The following MNDA variants were observed in gnomAD, a reference collection of about 807,000 sequenced individuals.
MNDA encodes the protein epididymis secretory sperm binding protein.
MNDA carries 43 observed loss-of-function variants against 37.8 expected under a neutral mutation model. The observed-to-expected ratio is 1.14, with a 90% CI of 0.89 to 1.47. MNDA has a LOEUF of 1.47. MNDA is among the 40% of genes most tolerant of loss of function. The pLI, the probability that MNDA is intolerant of heterozygous loss-of-function variation, is 0.00. For synonymous variants in MNDA, 181 were observed against 169.0 expected (o/e 1.07, Z -0.55); for missense variants, 536 against 476.0 (o/e 1.13, Z -1.17).
At chr1:158,834,290 T>C (rs1241425762) in intron 1 of MNDA, among the ~76,000 whole-genome samples, 1 of 148,674 alleles carries the variant, frequency 6.7e-6, no homozygotes, top group Non-Finnish European at 1.5e-5. Context: ...TGGAGTGCAG[T>C]GGCGCGATCT....
At chr1:158,846,854 C>T (rs985594261) in intron 5 of MNDA, among the ~76,000 whole-genome samples, 3 of 152,160 alleles carry the variant, frequency 2.0e-5, no homozygotes, top group Non-Finnish European at 4.4e-5. Context: ...TTTAAGAGAT[C>T]TTGCTTATAA....
intron 1 of MNDA, among the ~76,000 whole-genome samples, chr1:158,834,405 G>A (rs1419359308): frequency 6.6e-6 from 1 of 151,716 alleles, no homozygotes; most frequent in Admixed American, 6.6e-5. Flanking sequence ...GCTAATTTTT[G>A]TATTTTTAGT....
intron 3 of MNDA, 54 bp downstream of exon 3, chr1:158,843,469 T>C (rs773618697): frequency 1.1e-5 from 16 of 1,492,166 alleles, no homozygotes; most frequent in Admixed American, 2.6e-5. Flanking sequence ...TACTCTGCTA[T>C]GGCACGTGGC....
chr1:158,843,410 G>C lies in MNDA; in HGVS notation c.397G>C (p.Ala133Pro), dbSNP rs1462883737. The C allele has an allele frequency of 6.2e-7, 1 of 1,603,860 alleles. No individual in the cohort carries two copies. The highest frequency in any genetic ancestry group is 8.5e-7 in the Non-Finnish European group (1 of 1,175,860). The change falls in exon 3 of 7, where the codon GCT becomes CCT. Residue 133 changes from alanine to proline, a missense_variant. Ala to Pro is a conservative substitution (Grantham distance 27, BLOSUM62 -1). Transcript: ENST00000368141. ...TSEARGRIPVAQKRKTPNKEK... is the reference protein window; with the variant it reads ...TSEARGRIPVPQKRKTPNKEK... ...GGAAGCAAGAGGGAGGATTCCTGTA[G>C]CTCAGGTAAGCTTGAGAAAGAGGAG... is the stretch of plus-strand genomic sequence containing the variant.
intron 1 of MNDA, among the ~76,000 whole-genome samples, chr1:158,839,825 T>C (rs857868): frequency 6.6e-6 from 1 of 152,076 alleles, no homozygotes; most frequent in African/African-American, 2.4e-5. Context: ...GTTTGGTTCA[T>C]AAATTGTTCT....
At position 158,845,659 on chromosome 1, in the gene MNDA, G is replaced by A. The variant is rs1659118782; in HGVS notation, c.643G>A (p.Val215Met). 6.2e-7 allele frequency: 1 copy of A among 1,614,126 alleles called. No individual in the cohort carries two copies. Among genetic ancestry groups the A allele is most frequent in the Non-Finnish European group, 8.5e-7 (1 of 1,179,974 alleles). Reference protein sequence around the residue: ...NVPQNDPVTVVVLKATAPFKY... With the variant: ...NVPQNDPVTVMVLKATAPFKY... ...TCCCCAAAACGACCCAGTGACAGTG[G>A]TGGTACTGAAAGCAACAGCGCCATT... Residue 215 changes from valine (V) to methionine (M), a missense_variant, in exon 5 of 7, where the codon GTG (valine) becomes ATG (methionine). Coordinates refer to ENST00000368141, the MANE Select transcript of MNDA (RefSeq NM_002432.3).
At chr1:158,845,521 T>C in intron 4 of MNDA, 66 bp from the exon 5 acceptor site, 2 of 1,505,404 alleles carry the variant, frequency 1.3e-6, no homozygotes, top group Non-Finnish European at 1.8e-6. Flanking sequence ...ATTACAGGCG[T>C]GAGCCACCGC....
chr1:158,846,520 C>CTTAT (rs1247837917), intron 5 of MNDA, among the ~76,000 whole-genome samples: 1 of 152,040 alleles, frequency 6.6e-6, no homozygotes, highest in Non-Finnish European at 1.5e-5. Flanking sequence ...GCCCTTCTAT[C>CTTAT]TTATTTATTT....
chr1:158,842,593 A>G (rs2102049875), intron 2 of MNDA, 175 bp downstream of exon 2: 2 of 575,030 alleles, frequency 3.5e-6, no homozygotes, highest in Middle Eastern at 5.4e-4. Context: ...TCTGTTTCAT[A>G]TGAAAGAGAT....
Position 158,849,202 on chromosome 1 carries a change from A to G in MNDA, c.1189A>G (p.Lys397Glu), listed in dbSNP as rs746483414. The G allele has an allele frequency of 1.2e-6, 2 of 1,612,054 alleles. No individual in the cohort carries two copies. The highest frequency in any genetic ancestry group is 1.7e-6 in the Non-Finnish European group (2 of 1,178,680). The change falls in exon 7 of 7, where the codon AAG becomes GAG. Residue 397 changes from lysine (K) to glutamate (E), a missense_variant. Physicochemically the swap from Lys to Glu is moderately conservative, Grantham distance 56 (BLOSUM62 1). Coordinates refer to ENST00000368141, the MANE Select transcript of MNDA (RefSeq NM_002432.3). ...TCTCTCTTTAAAGGTCATCAAGGCC[A>G]AGAAAAACAAGGAAGGACCAATGAA... is the stretch of plus-strand genomic sequence containing the variant. ...SHSFIKVIKAKKNKEGPMNVN is the reference protein window; with the variant it reads ...SHSFIKVIKAEKNKEGPMNVN
intron 1 of MNDA, among the ~76,000 whole-genome samples, chr1:158,836,141 T>TG (rs1658910670): frequency 6.7e-6 from 1 of 150,128 alleles, no homozygotes; most frequent in Non-Finnish European, 1.5e-5. Context: ...TAGCATTTTG[T>TG]AAAAAAAAAA....
At chr1:158,836,539 CTCTT>C (rs1191368181) in intron 1 of MNDA, among the ~76,000 whole-genome samples, 20 of 151,928 alleles carry the variant, frequency 1.3e-4, no homozygotes, top group African/African-American at 4.8e-4. Context: ...TCAAAGTATT[CTCTT>C]TATTTCTGTG....
chr1:158,845,099 T>C (rs1343427096), intron 4 of MNDA, among the ~76,000 whole-genome samples: 1 of 152,210 alleles, frequency 6.6e-6, no homozygotes. Flanking sequence ...TTCCTTTCTG[T>C]TCAGTAATCC....
At chr1:158,846,248 C>T (rs1287737655) in intron 5 of MNDA, among the ~76,000 whole-genome samples, 1 of 152,106 alleles carries the variant, frequency 6.6e-6, no homozygotes, top group Non-Finnish European at 1.5e-5. Flanking sequence ...TGTTGTCAGC[C>T]ACAATGAACT....
chr1:158,847,212 C>T (rs1659150808), intron 5 of MNDA, among the ~76,000 whole-genome samples: 1 of 152,124 alleles, frequency 6.6e-6, no homozygotes, highest in African/African-American at 2.4e-5. Context: ...GTACAATGTA[C>T]ACTACTTGGG....
At chr1:158,833,455 A>C (rs1359760036) in intron 1 of MNDA, among the ~76,000 whole-genome samples, 1 of 152,064 alleles carries the variant, frequency 6.6e-6, no homozygotes, top group Non-Finnish European at 1.5e-5. Flanking sequence ...CAAAACTAAA[A>C]CTCTAACCGT....
chr1:158,836,896 A>T lies in MNDA; in HGVS notation c.-20-5238A>T, dbSNP rs1298866100. Among the ~76,000 whole-genome samples, 9 of 151,712 alleles carry T rather than the reference A, an allele frequency of 5.9e-5. No homozygotes were observed. The East Asian group carries it at 1.7e-3, about 29-fold the overall frequency. On this transcript the variant is annotated intron_variant, in intron 1 of 6. Coordinates refer to ENST00000368141, the MANE Select transcript of MNDA (RefSeq NM_002432.3). ...CATATTCTTTGCATTTAATGAAATGATATGTTGTGTTTCTATATAATTTCT... is the reference window on the plus strand; with the variant it reads ...CATATTCTTTGCATTTAATGAAATGTTATGTTGTGTTTCTATATAATTTCT...
At position 158,844,040 on chromosome 1, in the gene MNDA, G is replaced by C. The variant is rs767870608; in HGVS notation, c.488G>C (p.Gly163Ala). ...CAGAGTAAGCCCCCAGGTCCCTCAG[G>C]AGCCAGCACATCTGCAGCTGTGGAT... is the stretch of plus-strand genomic sequence containing the variant. The part of the protein sequence containing the change: ...QEQSKPPGPS[G>A]ASTSAAVDHP... Residue 163 changes from glycine (G) to alanine (A), a missense_variant, in exon 4 of 7, where the codon GGA (glycine) becomes GCA (alanine). By Grantham distance (60) the Gly-to-Ala change is moderately conservative. Coordinates refer to ENST00000368141, the MANE Select transcript of MNDA (RefSeq NM_002432.3). 2.5e-6 allele frequency: 4 copies of C among 1,613,726 alleles called. No individual in the cohort carries two copies. The highest frequency in any genetic ancestry group is 1.3e-5 in the African/African-American group (1 of 74,862).
chr1:158,846,361 T>C (rs1024500298), intron 5 of MNDA, among the ~76,000 whole-genome samples: 1 of 152,182 alleles, frequency 6.6e-6, no homozygotes, highest in Admixed American at 6.5e-5. Flanking sequence ...TTTTGATAAA[T>C]TTATTTTAAG....
Sources: allele counts gnomAD v4.1 joint callset (sites outside exome capture counted in the v4.1 genomes callset), GRCh38; gene constraint gnomAD v4.1.1; transcripts MANE v1.5; gene names NCBI Gene and HGNC (gene_info 2026-07-23, HGNC 2026-07-21).